DST: variants seen among roughly 807,000 people sequenced by gnomAD.
The protein encoded by DST is bullous pemphigoid antigen.
In DST, 253 loss-of-function variants were observed where a neutral mutation model predicts 875.2. That is an observed-to-expected ratio of 0.29 (90% CI 0.26 to 0.32). The LOEUF (loss-of-function observed/expected upper bound fraction) is 0.32. Ranked by LOEUF, DST falls within the 10% of genes least tolerant of loss-of-function variation. The probability of loss-of-function intolerance (pLI) is 1.00; values close to 1 mark genes in which losing one functional copy is unlikely to be tolerated. For synonymous variants in DST, 3,124 were observed against 3,197.1 expected, an observed-to-expected ratio of 0.98 and a Z score of 0.77; for missense variants, 8,287 against 9,111.6, an observed-to-expected ratio of 0.91 and a Z score of 3.68.
At chr6:56,903,457 A>C (rs1307416125) in intron 2 of DST, among the ~76,000 whole-genome samples, 1 of 152,154 alleles carries the variant, frequency 6.6e-6, no homozygotes, top group Admixed American at 6.5e-5. Flanking sequence ...AGAATTATTT[A>C]TGATATAAAA....
Position 56,851,624 on chromosome 6 carries a change from A to G in DST, c.418-20T>C. ...GGAACTCTACAGAGAATGACACAGA[A>G]AAAGCATTAACAGCAAAATACTCAC... On this transcript the variant is annotated intron_variant, in intron 3 of 103. Coordinates refer to ENST00000680361, the MANE Select transcript of DST (RefSeq NM_001374736.1). The G allele has an allele frequency of 6.2e-7, 1 of 1,610,842 alleles. No individual in the cohort carries two copies. The highest frequency in any genetic ancestry group is 8.5e-7 in the Non-Finnish European group (1 of 1,178,112).
chr6:56,486,714 G>A (rs1755672295), intron 87 of DST, among the ~76,000 whole-genome samples: 1 of 152,114 alleles, frequency 6.6e-6, no homozygotes, highest in Admixed American at 6.6e-5. Context: ...TGCATGCCCA[G>A]TAGTAAGTCA....
chr6:56,643,192 T>C (rs1436785608), intron 15 of DST, among the ~76,000 whole-genome samples: 1 of 152,206 alleles, frequency 6.6e-6, no homozygotes, highest in Non-Finnish European at 1.5e-5. Context: ...ATTCTGGCAA[T>C]ACCAATCATT....
intron 3 of DST, among the ~76,000 whole-genome samples, chr6:56,865,449 C>T (rs1438109669): frequency 1.3e-5 from 2 of 152,092 alleles, no homozygotes; most frequent in Non-Finnish European, 2.9e-5. Context: ...AGCACTCCTC[C>T]CACCTCAGCC....
intron 49 of DST, among the ~76,000 whole-genome samples, chr6:56,590,878 C>A (rs1315345876): frequency 1.3e-5 from 2 of 152,230 alleles, no homozygotes; most frequent in Non-Finnish European, 2.9e-5. Flanking sequence ...CCACATTTCA[C>A]CCGGGTATGA....
chr6:56,509,901 T>C (rs1360354770), intron 73 of DST, 28 bp from the exon 74 acceptor site: 1 of 1,510,770 alleles, frequency 6.6e-7, no homozygotes, highest in Non-Finnish European at 8.9e-7. Flanking sequence ...AGATCTTTTA[T>C]GGAAAAAAGA....
chr6:56,798,583 T>C (rs1296395647), intron 4 of DST, among the ~76,000 whole-genome samples: 4 of 152,228 alleles, frequency 2.6e-5, no homozygotes, highest in Non-Finnish European at 5.9e-5. Context: ...ATCAATGTTT[T>C]TTTCATTCCT....
At chr6:56,482,495 C>T (rs2095434409) in intron 89 of DST, 188 bp downstream of exon 89, 2 of 592,432 alleles carry the variant, frequency 3.4e-6, no homozygotes, top group Non-Finnish European at 5.6e-6. Context: ...GAATGCCTCC[C>T]TCTAGCAGTA....
chr6:56,517,129 T>C, intron 71 of DST, 69 bp downstream of exon 71: 1 of 1,119,468 alleles, frequency 8.9e-7, no homozygotes, highest in Non-Finnish European at 1.4e-6. Flanking sequence ...AGTGTTTTTC[T>C]AGGACTGAAA....
chr6:56,508,685 T>C lies in DST; in HGVS notation c.19083A>G (p.Glu6361=). Residue 6361 remains glutamate, a synonymous_variant, in exon 75 of 104, where the codon GAA becomes GAG. Transcript: ENST00000680361. ...GCTCCATCACATCCAGTAGTTTGGC[T>C]TCCCTCTCTTCCACCAGTGTGTGTA... The part of the protein sequence containing the change: ...ENIHTLVEER[E]AKLLDVMELA... 6.2e-7 allele frequency: 1 copy of C among 1,613,890 alleles called. No homozygotes were observed. The highest frequency in any genetic ancestry group is 1.1e-5 in the South Asian group (1 of 91,076).
chr6:56,953,739 A>T (rs1823607050), intron 2 of DST, 46 bp downstream of exon 2: 17 of 1,291,282 alleles, frequency 1.3e-5, no homozygotes, highest in Non-Finnish European at 1.4e-5. Flanking sequence ...GGTACTCAGG[A>T]AAGAGAACTT....
intron 72 of DST, among the ~76,000 whole-genome samples, chr6:56,514,712 AG>A (rs1367184248): frequency 1.3e-5 from 2 of 152,158 alleles, no homozygotes; most frequent in Non-Finnish European, 2.9e-5. Flanking sequence ...GTCCATAAAT[AG>A]CAAGAAATCT....
intron 10 of DST, among the ~76,000 whole-genome samples, chr6:56,664,417 A>G (rs991496718): frequency 6.6e-6 from 1 of 152,230 alleles, no homozygotes; most frequent in Non-Finnish European, 1.5e-5. Flanking sequence ...ACCCTTAAAT[A>G]AGAGGAGAGC....
intron 2 of DST, among the ~76,000 whole-genome samples, chr6:56,926,814 T>C (rs1296652563): frequency 6.6e-6 from 1 of 152,204 alleles, no homozygotes; most frequent in Non-Finnish European, 1.5e-5. Context: ...CTGGTACGCT[T>C]ATGCTTCACC....
intron 5 of DST, among the ~76,000 whole-genome samples, chr6:56,710,874 G>A (rs952335339): frequency 1.3e-5 from 2 of 152,070 alleles, no homozygotes; most frequent in African/African-American, 4.8e-5. Flanking sequence ...ATAAAAAGGC[G>A]GTTATGGTTT....
rs2152521808 is a variant in DST at position 56,535,170 on chromosome 6, G to A, written c.16893C>T (p.Pro5631=). 3 of 1,613,692 alleles carry A rather than the reference G, an allele frequency of 1.9e-6. No homozygotes were observed. Among genetic ancestry groups the A allele is most frequent in the East Asian group, 4.5e-5 (2 of 44,862 alleles). Residue 5631 remains proline, a synonymous_variant, in exon 63 of 104, where the codon CCC becomes CCT. Transcript: ENST00000680361. ...DTEELVANQK[P]PSAEFKVVKA... The stretch of plus-strand genomic sequence containing the variant: ...TTACCACTTTGAACTCAGCCGACGG[G>A]GGCTTCTGATTGGCCACAAGCTCCT...
chr6:56,622,792 A>G (rs1371348935), intron 36 of DST, among the ~76,000 whole-genome samples: 1 of 152,210 alleles, frequency 6.6e-6, no homozygotes, highest in African/African-American at 2.4e-5. Context: ...TTCTCAGCAC[A>G]GACTAAAGCA....
At chr6:56,497,201 G>A (rs2095944093) in intron 82 of DST, among the ~76,000 whole-genome samples, 178 bp downstream of exon 82, 1 of 151,754 alleles carries the variant, frequency 6.6e-6, no homozygotes, top group African/African-American at 2.4e-5. Context: ...ATAAAGAATG[G>A]GTTCTGACTT....
At chr6:56,736,590 A>G (rs2099525323) in intron 4 of DST, among the ~76,000 whole-genome samples, 1 of 152,086 alleles carries the variant, frequency 6.6e-6, no homozygotes, top group Non-Finnish European at 1.5e-5. Context: ...CCCTGGGGGT[A>G]AGATATGTCT....
Sources: allele counts gnomAD v4.1 joint callset (sites outside exome capture counted in the v4.1 genomes callset), GRCh38; gene constraint gnomAD v4.1.1; transcripts MANE v1.5; gene names NCBI Gene and HGNC (gene_info 2026-07-23, HGNC 2026-07-21).